The following ERC2 variants were observed in gnomAD, a reference collection of about 807,000 sequenced individuals.
ERC2 encodes ELKS/RAB6-interacting/CAST family member 2.
A neutral mutation model predicts 114.8 loss-of-function variants in ERC2; 42 were observed. The observed-to-expected ratio is 0.37, with a 90% confidence interval of 0.29 to 0.47. The LOEUF is 0.47. Among genes scored for constraint, ERC2 ranks in the 20% least tolerant of loss-of-function variants. The probability of loss-of-function intolerance (pLI) is 0.99; values close to 1 mark genes in which losing one functional copy is unlikely to be tolerated. For synonymous variants in ERC2, 454 were observed against 425.5 expected, an observed-to-expected ratio of 1.07 and a Z score of -0.82; for missense variants, 939 against 1,150.7, an observed-to-expected ratio of 0.82 and a Z score of 2.66.
intron 1 of ERC2, among the ~76,000 whole-genome samples, chr3:56,438,545 ATGATATAT>A (rs2062135733): frequency 6.6e-6 from 1 of 152,160 alleles, no homozygotes; most frequent in South Asian, 2.1e-4. Context: ...TAACATAATA[ATGATATAT>A]ACTTTTTTCA....
At chr3:55,744,887 C>T (rs4955818) in intron 14 of ERC2, among the ~76,000 whole-genome samples, 2 of 152,054 alleles carry the variant, frequency 1.3e-5, no homozygotes, top group South Asian at 2.1e-4. Context: ...TAAGGGATCA[C>T]GCATGTAAAG....
chr3:56,031,400 C>G (rs551488418), intron 7 of ERC2, among the ~76,000 whole-genome samples: 14 of 152,348 alleles, frequency 9.2e-5, no homozygotes, highest in South Asian at 8.3e-4. Flanking sequence ...CCCATGCAAC[C>G]AGGTACCAGG....
chr3:56,341,209 G>C lies in ERC2; in HGVS notation c.658-44774C>G, dbSNP rs575515880. 3.3e-5 allele frequency among the ~76,000 whole-genome samples: 5 copies of C among 152,220 alleles called. No individual in the cohort carries two copies. The East Asian group carries it at 9.6e-4, about 29-fold the overall frequency. On this transcript the variant is annotated intron_variant, in intron 2 of 17. Transcript: ENST00000288221. ...TATTATTGGAGACTGTCTCCTTCCT[G>C]CCCCCTCCACCTTCCTCCATCTTAC... is the stretch of plus-strand genomic sequence containing the variant.
chr3:55,653,436 TAATCTATCAAAAG>T (rs1051312872), intron 17 of ERC2, among the ~76,000 whole-genome samples: 25 of 152,222 alleles, frequency 1.6e-4, no homozygotes, highest in Admixed American at 1.2e-3. Flanking sequence ...CAAAGTATTA[TAATCTATCAAAAG>T]AGCACCACAA....
At chr3:55,540,286 G>A (rs1276520958) in intron 17 of ERC2, among the ~76,000 whole-genome samples, 1 of 152,096 alleles carries the variant, frequency 6.6e-6, no homozygotes. Flanking sequence ...AATGCACTTG[G>A]GGAACTGGGG....
At chr3:55,894,088 G>T (rs985088172) in intron 13 of ERC2, among the ~76,000 whole-genome samples, 1 of 152,068 alleles carries the variant, frequency 6.6e-6, no homozygotes, top group Non-Finnish European at 1.5e-5. Context: ...GAGCTAGACT[G>T]CCACTTACTA....
chr3:56,076,252 T>C (rs922311337), intron 7 of ERC2, among the ~76,000 whole-genome samples: 14 of 152,178 alleles, frequency 9.2e-5, no homozygotes, highest in African/African-American at 3.4e-4. Flanking sequence ...AGAAAGAAAA[T>C]GGAGATAGAA....
chr3:56,001,831 A>G (rs1054216556), intron 10 of ERC2, among the ~76,000 whole-genome samples: 13 of 152,162 alleles, frequency 8.5e-5, no homozygotes, highest in African/African-American at 2.7e-4. Flanking sequence ...ACTAGTAAGT[A>G]TGAAACAATT....
At chr3:55,905,520 C>T (rs917428632) in intron 13 of ERC2, among the ~76,000 whole-genome samples, 4 of 151,648 alleles carry the variant, frequency 2.6e-5, no homozygotes, top group East Asian at 1.9e-4. Context: ...ACAGTAACTC[C>T]GAGGGGAAGT....
intron 2 of ERC2, among the ~76,000 whole-genome samples, chr3:56,429,587 C>T (rs2061707721): frequency 6.6e-6 from 1 of 152,260 alleles, no homozygotes; most frequent in Non-Finnish European, 1.5e-5. Context: ...ACACTGCATC[C>T]GTGCACTCTG....
At chr3:55,775,537 A>AAAT (rs1553668930) in intron 14 of ERC2, among the ~76,000 whole-genome samples, 4 of 133,278 alleles carry the variant, frequency 3.0e-5, no homozygotes, top group African/African-American at 5.5e-5. Flanking sequence ...ACCCTGTCTC[A>AAAT]AAATAAATAA....
intron 12 of ERC2, among the ~76,000 whole-genome samples, chr3:55,956,185 T>C (rs1344287274): frequency 6.6e-6 from 1 of 152,246 alleles, no homozygotes; most frequent in Non-Finnish European, 1.5e-5. Flanking sequence ...GACTTTGGAA[T>C]GCATTATTGA....
chr3:55,637,043 T>C (rs1018356589), intron 17 of ERC2, among the ~76,000 whole-genome samples: 4 of 152,218 alleles, frequency 2.6e-5, no homozygotes, highest in African/African-American at 9.6e-5. Context: ...CGTTCACTCC[T>C]GTCTTCCTGT....
At chr3:55,532,437 G>T (rs909920318) in intron 17 of ERC2, among the ~76,000 whole-genome samples, 3 of 152,180 alleles carry the variant, frequency 2.0e-5, no homozygotes, top group Non-Finnish European at 4.4e-5. Flanking sequence ...ATTCATCCCT[G>T]CCCTCAAACA....
chr3:56,106,010 T>C (rs990289018), intron 6 of ERC2, among the ~76,000 whole-genome samples: 8 of 152,236 alleles, frequency 5.3e-5, no homozygotes, highest in African/African-American at 1.7e-4. Flanking sequence ...TCAGGACTTA[T>C]GTTTCTGGTA....
At chr3:56,347,731 T>G (rs2058364019) in intron 2 of ERC2, among the ~76,000 whole-genome samples, 1 of 152,190 alleles carries the variant, frequency 6.6e-6, no homozygotes, top group South Asian at 2.1e-4. Context: ...AGCTATCACC[T>G]TGGAGATATA....
At chr3:56,139,407 C>A in intron 6 of ERC2, 102 bp downstream of exon 6, 1 of 1,150,958 alleles carries the variant, frequency 8.7e-7, no homozygotes. Context: ...CATCTGGCCC[C>A]AAGGGTTAGG....
intron 14 of ERC2, among the ~76,000 whole-genome samples, chr3:55,837,346 A>C (rs1413036587): frequency 2.0e-5 from 3 of 152,246 alleles, no homozygotes; most frequent in African/African-American, 7.2e-5. Context: ...AAAGACTTGG[A>C]ACCAACCCAA....
At chr3:55,537,536 T>C (rs547516435) in intron 17 of ERC2, among the ~76,000 whole-genome samples, 1 of 152,332 alleles carries the variant, frequency 6.6e-6, no homozygotes, top group South Asian at 2.1e-4. Flanking sequence ...ATGATCGGTG[T>C]CTCTGCTCCC....
Sources: gnomAD v4.1 joint callset for allele counts (sites outside exome capture counted in the v4.1 genomes callset) on GRCh38, gnomAD v4.1.1 for gene constraint, MANE v1.5 for transcripts, NCBI Gene and HGNC (gene_info 2026-07-23, HGNC 2026-07-21) for gene names.